Variants in TMEM132C observed in about 807,000 individuals in gnomAD.
The protein encoded by TMEM132C is protein phosphatase 1, regulatory subunit 152.
A neutral mutation model predicts 61.4 loss-of-function variants in TMEM132C; 29 were observed. The ratio of observed to expected loss-of-function variants is 0.47; its 90% confidence interval spans 0.35 to 0.64. TMEM132C has a LOEUF of 0.64. TMEM132C is among the 30% of genes least tolerant of loss of function. TMEM132C has a pLI of 0.00. For missense variants in TMEM132C, 1,408 were observed against 1,476.9 expected (o/e 0.95, Z 0.76); for synonymous variants, 656 against 633.1 (o/e 1.04, Z -0.54).
intron 1 of TMEM132C, among the ~76,000 whole-genome samples, chr12:128,329,534 A>T (rs1019861651): frequency 6.6e-6 from 1 of 152,168 alleles, no homozygotes; most frequent in Non-Finnish European, 1.5e-5. Context: ...CCAGCCCAGG[A>T]TCTACTGGGG....
At chr12:128,388,441 G>T (rs533412132) in intron 1 of TMEM132C, among the ~76,000 whole-genome samples, 42 of 152,320 alleles carry the variant, frequency 2.8e-4, no homozygotes, top group African/African-American at 9.1e-4. Context: ...TCTTCCCCTT[G>T]TCTCTTCTCT....
At position 128,281,572 on chromosome 12, in the gene TMEM132C, G is replaced by A. The variant is rs528313980; in HGVS notation, c.85+14085G>A. Among the ~76,000 whole-genome samples, 82 of 152,278 alleles carry A rather than the reference G, an allele frequency of 5.4e-4. 1 individual carries two copies. Among genetic ancestry groups the A allele is most frequent in the Non-Finnish European group, 8.8e-4 (60 of 68,028 alleles). ...TTTGCACATTTTGGATACAATCTCCGTTGTTCTCTGTCCTGCTCTGAACCC... is the reference window on the plus strand; with the variant it reads ...TTTGCACATTTTGGATACAATCTCCATTGTTCTCTGTCCTGCTCTGAACCC... On this transcript the variant is annotated intron_variant, in intron 1 of 8. Transcript: ENST00000435159.
chr12:128,325,200 G>A (rs919528898), intron 1 of TMEM132C, among the ~76,000 whole-genome samples: 2 of 152,176 alleles, frequency 1.3e-5, no homozygotes, highest in African/African-American at 4.8e-5. Flanking sequence ...TAGTGCTGCT[G>A]CTGTTAATTT....
At chr12:128,688,714 G>A (rs1352620777) in intron 5 of TMEM132C, among the ~76,000 whole-genome samples, 1 of 152,204 alleles carries the variant, frequency 6.6e-6, no homozygotes, top group Non-Finnish European at 1.5e-5. Flanking sequence ...GACAAATCAA[G>A]CAAATAATAA....
chr12:128,397,661 T>A (rs10847609), intron 1 of TMEM132C, among the ~76,000 whole-genome samples: 42,733 of 151,986 alleles, frequency 0.28, 7,396 homozygotes, highest in Non-Finnish European at 0.38. Flanking sequence ...TGGGTCCCAA[T>A]GCTTTTCTCT....
chr12:128,472,793 T>A (rs1262345924), intron 2 of TMEM132C, among the ~76,000 whole-genome samples: 1 of 152,194 alleles, frequency 6.6e-6, no homozygotes, highest in East Asian at 1.9e-4. Flanking sequence ...AACAGTGTTT[T>A]TCATCCCATT....
intron 3 of TMEM132C, among the ~76,000 whole-genome samples, chr12:128,585,731 G>A (rs2135562562): frequency 6.6e-6 from 1 of 152,322 alleles, no homozygotes; most frequent in East Asian, 1.9e-4. Context: ...AAAATGAAAG[G>A]GAGGCCACGG....
intron 2 of TMEM132C, among the ~76,000 whole-genome samples, chr12:128,420,652 A>G (rs561128987): frequency 6.6e-6 from 1 of 152,180 alleles, no homozygotes; most frequent in East Asian, 1.9e-4. Context: ...TTGGATCAGG[A>G]TAGCAGCAGC....
rs116456305 is a variant in TMEM132C at position 128,526,852 on chromosome 12, A to G, written c.975-17105A>G. ...AGCAGTACAGAGCCTGGACTGGATT[A>G]TCGTGAATGAGGACTGCAAAATGAG... is the stretch of plus-strand genomic sequence containing the variant. On this transcript the variant is annotated intron_variant, in intron 2 of 8. Coordinates refer to ENST00000435159, the MANE Select transcript of TMEM132C (RefSeq NM_001136103.3). 3.4e-3 allele frequency among the ~76,000 whole-genome samples: 517 copies of G among 152,272 alleles called. 1 individual carries two copies. Among genetic ancestry groups the G allele is most frequent in the African/African-American group, 0.012 (496 of 41,544 alleles).
intron 2 of TMEM132C, among the ~76,000 whole-genome samples, chr12:128,455,293 G>T (rs1471993125): frequency 6.6e-6 from 1 of 152,220 alleles, no homozygotes; most frequent in Non-Finnish European, 1.5e-5. Flanking sequence ...ACTGAATTCA[G>T]TTTCACTCGA....
At chr12:128,566,281 A>G (rs1320806854) in intron 3 of TMEM132C, among the ~76,000 whole-genome samples, 2 of 152,094 alleles carry the variant, frequency 1.3e-5, no homozygotes, top group Non-Finnish European at 2.9e-5. Flanking sequence ...GAATGCTACT[A>G]AAGAGGATAA....
chr12:128,275,325 C>T (rs114801334), intron 1 of TMEM132C, among the ~76,000 whole-genome samples: 1,900 of 152,174 alleles, frequency 0.012, 37 homozygotes, highest in African/African-American at 0.042. Context: ...GTAAGATCAG[C>T]GGTAGCATTA....
intron 1 of TMEM132C, among the ~76,000 whole-genome samples, chr12:128,366,172 G>A (rs1873862169): frequency 6.6e-6 from 1 of 152,216 alleles, no homozygotes; most frequent in Admixed American, 6.5e-5. Context: ...AAGGTGCTGT[G>A]CGTCGCTGCC....
chr12:128,687,201 C>CAAA (rs55934804), intron 5 of TMEM132C, among the ~76,000 whole-genome samples: 1,225 of 114,416 alleles, frequency 0.011, 96 homozygotes, highest in Admixed American at 0.077. Context: ...GACTCTGTCT[C>CAAA]AAAAAAAAAA....
chr12:128,435,185 C>T (rs564652261), intron 2 of TMEM132C, among the ~76,000 whole-genome samples: 12 of 152,334 alleles, frequency 7.9e-5, no homozygotes, highest in African/African-American at 1.9e-4. Context: ...TCTTGGACCT[C>T]TGCCATCCAG....
chr12:128,270,745 C>T (rs1566037066), intron 1 of TMEM132C, among the ~76,000 whole-genome samples: 1 of 152,154 alleles, frequency 6.6e-6, no homozygotes, highest in Non-Finnish European at 1.5e-5. Flanking sequence ...CCTTCTTATC[C>T]CTCAAGTCGA....
chr12:128,330,348 C>A (rs118159387), intron 1 of TMEM132C, among the ~76,000 whole-genome samples: 2 of 152,082 alleles, frequency 1.3e-5, no homozygotes, highest in Non-Finnish European at 2.9e-5. Flanking sequence ...GCTGTGTGAT[C>A]CCCATAACCA....
chr12:128,633,487 CTG>C (rs1378592322), intron 4 of TMEM132C, among the ~76,000 whole-genome samples: 1 of 152,186 alleles, frequency 6.6e-6, no homozygotes, highest in Non-Finnish European at 1.5e-5. Context: ...TAAAGTGTGA[CTG>C]TGTCATCTTG....
chr12:128,416,996 AG>A (rs369175890), intron 2 of TMEM132C, among the ~76,000 whole-genome samples: 30 of 152,278 alleles, frequency 2.0e-4, no homozygotes, highest in African/African-American at 7.0e-4. Flanking sequence ...GGGGAGGGAC[AG>A]GTCTCGCTGT....
Sources: gnomAD v4.1 joint callset for allele counts (sites outside exome capture counted in the v4.1 genomes callset) on GRCh38, gnomAD v4.1.1 for gene constraint, MANE v1.5 for transcripts, NCBI Gene and HGNC (gene_info 2026-07-23, HGNC 2026-07-21) for gene names.